The following GABRG3 variants were observed in gnomAD, a reference collection of about 807,000 sequenced individuals.
GABRG3 encodes the protein gamma-aminobutyric acid receptor subunit gamma-3.
A neutral mutation model predicts 48.8 loss-of-function variants in GABRG3; 25 were observed. That is an observed-to-expected ratio of 0.51 (90% CI 0.37 to 0.72). GABRG3 has a LOEUF of 0.72. Among genes scored for constraint, GABRG3 ranks in the 30% least tolerant of loss-of-function variants. The probability of loss-of-function intolerance (pLI) is 0.00; values close to 1 mark genes in which losing one functional copy is unlikely to be tolerated. For missense variants in GABRG3, 394 were observed against 577.9 expected (o/e 0.68, Z 3.26); for synonymous variants, 227 against 217.6 (o/e 1.04, Z -0.38).
At chr15:27,208,440 T>A in intron 3 of GABRG3, 1 of 200,266 alleles carries the variant, frequency 5.0e-6, no homozygotes. Flanking sequence ...ATGAAAGACC[T>A]GCCCTCAGTG....
At chr15:27,177,056 G>T (rs542085589) in intron 3 of GABRG3, among the ~76,000 whole-genome samples, 1 of 152,176 alleles carries the variant, frequency 6.6e-6, no homozygotes, top group African/African-American at 2.4e-5. Flanking sequence ...TTCTCCCCGA[G>T]AACTCAGAGG....
intron 3 of GABRG3, among the ~76,000 whole-genome samples, chr15:27,220,831 G>T (rs1382294399): frequency 2.0e-5 from 3 of 152,104 alleles, no homozygotes; most frequent in African/African-American, 7.2e-5. Flanking sequence ...TCCATGCCGA[G>T]GGTGGGGTGG....
chr15:27,328,968 G>GTGAT, intron 5 of GABRG3, 80 bp downstream of exon 5: 1 of 1,153,716 alleles, frequency 8.7e-7, no homozygotes, highest in Non-Finnish European at 1.3e-6. Context: ...AAACAGTCAT[G>GTGAT]TGATTGATCA....
intron 3 of GABRG3, among the ~76,000 whole-genome samples, chr15:27,287,260 T>C (rs2140483722): frequency 6.6e-6 from 1 of 152,084 alleles, no homozygotes; most frequent in African/African-American, 2.4e-5. Context: ...TTAAATCACC[T>C]AAGGAAACAA....
intron 5 of GABRG3, among the ~76,000 whole-genome samples, chr15:27,384,297 T>G (rs1895860524): frequency 6.6e-6 from 1 of 152,136 alleles, no homozygotes; most frequent in South Asian, 2.1e-4. Context: ...TGCAAATCAT[T>G]GTGACTGGAA....
At chr15:27,071,120 G>A (rs1393155075) in intron 3 of GABRG3, among the ~76,000 whole-genome samples, 1 of 152,202 alleles carries the variant, frequency 6.6e-6, no homozygotes, top group Admixed American at 6.5e-5. Flanking sequence ...AGAGGAGAGA[G>A]AATGCAAAGT....
At chr15:27,445,245 T>A (rs778630917) in intron 5 of GABRG3, among the ~76,000 whole-genome samples, 1 of 152,304 alleles carries the variant, frequency 6.6e-6, no homozygotes, top group Middle Eastern at 3.4e-3. Flanking sequence ...TCATACAGTA[T>A]CTCCTTGCTT....
At chr15:27,467,824 G>A (rs887690129) in intron 5 of GABRG3, among the ~76,000 whole-genome samples, 3 of 152,124 alleles carry the variant, frequency 2.0e-5, no homozygotes, top group African/African-American at 4.8e-5. Flanking sequence ...CCTAATCCAC[G>A]TTTTGCTTTC....
At chr15:27,036,927 A>G (rs6606864) in intron 3 of GABRG3, among the ~76,000 whole-genome samples, 101,172 of 151,650 alleles carry the variant, frequency 0.67, 33,772 homozygotes, top group East Asian at 0.73. Flanking sequence ...ATTTATTAAG[A>G]TCATTCTGGA....
intron 2 of GABRG3, among the ~76,000 whole-genome samples, chr15:26,979,499 C>A (rs1437182800): frequency 6.6e-6 from 1 of 151,958 alleles, no homozygotes; most frequent in African/African-American, 2.4e-5. Context: ...TGTTCTTTAT[C>A]CAGTTGAGAA....
chr15:27,526,250 A>G (rs1354594131), intron 7 of GABRG3, among the ~76,000 whole-genome samples: 1 of 152,230 alleles, frequency 6.6e-6, no homozygotes, highest in Admixed American at 6.5e-5. Context: ...CCCATTCTCC[A>G]CCTGGCCCTG....
At chr15:26,992,292 AT>A (rs764475489) in intron 2 of GABRG3, among the ~76,000 whole-genome samples, 13 of 152,216 alleles carry the variant, frequency 8.5e-5, no homozygotes, top group Non-Finnish European at 1.8e-4. Flanking sequence ...GTAAGTAGGC[AT>A]CCTTGTCATG....
intron 3 of GABRG3, among the ~76,000 whole-genome samples, chr15:27,206,885 T>TG (rs1377447850): frequency 6.6e-6 from 1 of 152,180 alleles, no homozygotes; most frequent in African/African-American, 2.4e-5. Flanking sequence ...CTCTTTTTTT[T>TG]GTTTTCTGTT....
chr15:27,248,577 C>T (rs1170339706), intron 3 of GABRG3, among the ~76,000 whole-genome samples: 1 of 152,104 alleles, frequency 6.6e-6, no homozygotes, highest in Non-Finnish European at 1.5e-5. Flanking sequence ...TTCCAACATC[C>T]CATATTGGCA....
At chr15:27,114,685 T>C (rs1366230427) in intron 3 of GABRG3, among the ~76,000 whole-genome samples, 2 of 152,188 alleles carry the variant, frequency 1.3e-5, no homozygotes, top group African/African-American at 2.4e-5. Context: ...TTTTAGCTCA[T>C]GAATGAAGAC....
At chr15:27,237,052 T>C (rs923048457) in intron 3 of GABRG3, among the ~76,000 whole-genome samples, 2 of 152,216 alleles carry the variant, frequency 1.3e-5, no homozygotes, top group Non-Finnish European at 2.9e-5. Flanking sequence ...TTGACACTCA[T>C]TTGACGCACT....
At chr15:27,370,935 C>T (rs1020983306) in intron 5 of GABRG3, among the ~76,000 whole-genome samples, 6 of 152,128 alleles carry the variant, frequency 3.9e-5, no homozygotes, top group Admixed American at 1.3e-4. Flanking sequence ...ACAAGTGGGA[C>T]GCTCACTGCT....
intron 3 of GABRG3, among the ~76,000 whole-genome samples, chr15:27,100,894 T>A (rs114818504): frequency 0.012 from 1,793 of 152,302 alleles, 31 homozygotes; most frequent in African/African-American, 0.041. Context: ...GGTGAAAGAC[T>A]GAGGACCAGG....
intron 3 of GABRG3, among the ~76,000 whole-genome samples, chr15:27,065,106 A>G (rs949091716): frequency 1.3e-5 from 2 of 152,058 alleles, no homozygotes; most frequent in Non-Finnish European, 2.9e-5. Flanking sequence ...GCAGCTGGTG[A>G]CTAGTCTCAC....
Sources: gnomAD v4.1 joint callset for allele counts (sites outside exome capture counted in the v4.1 genomes callset) on GRCh38, gnomAD v4.1.1 for gene constraint, MANE v1.5 for transcripts, NCBI Gene and HGNC (gene_info 2026-07-23, HGNC 2026-07-21) for gene names.